The following PREX1 variants were observed in gnomAD, a reference collection of about 807,000 sequenced individuals.
PREX1 encodes the protein phosphatidylinositol-3,4,5-trisphosphate dependent Rac exchange factor 1, also known as phosphatidylinositol 3,4,5-trisphosphate-dependent Rac exchanger 1 protein.
A neutral mutation model predicts 198.3 loss-of-function variants in PREX1; 41 were observed. The observed-to-expected ratio is 0.21, with a 90% CI of 0.16 to 0.27. PREX1 has a LOEUF of 0.27. Among genes scored for constraint, PREX1 ranks in the 10% least tolerant of loss-of-function variants. The probability of loss-of-function intolerance (pLI) is 1.00; values close to 1 mark genes in which losing one functional copy is unlikely to be tolerated. For synonymous variants in PREX1, 843 were observed against 887.2 expected (o/e 0.95, Z 0.89); for missense variants, 1,620 against 2,200.7 (o/e 0.74, Z 5.28).
intron 1 of PREX1, among the ~76,000 whole-genome samples, chr20:48,796,405 T>C (rs2090362493): frequency 6.6e-6 from 1 of 151,874 alleles, no homozygotes; most frequent in Admixed American, 6.6e-5. Context: ...ACCTCCATCA[T>C]ACAGGCACAA....
chr20:48,787,574 G>A, intron 1 of PREX1, among the ~76,000 whole-genome samples: 1 of 149,026 alleles, frequency 6.7e-6, no homozygotes. Flanking sequence ...TATGTAAGCA[G>A]GACGACGAAA....
chr20:48,675,160 T>C (rs536738801), intron 14 of PREX1, among the ~76,000 whole-genome samples: 2 of 152,236 alleles, frequency 1.3e-5, no homozygotes, highest in Non-Finnish European at 2.9e-5. Context: ...AGGAGGGGAC[T>C]GAGTCAGGAG....
At chr20:48,865,950 C>CT in the PREX1 span, among the ~76,000 whole-genome samples, 223 of 140,246 alleles carry the variant, frequency 1.6e-3, 1 homozygote, top group Middle Eastern at 3.6e-3. Flanking sequence ...AAGTGTTAAA[C>CT]TTTTTTTTTT....
chr20:48,742,277 C>T (rs957161377), intron 3 of PREX1, among the ~76,000 whole-genome samples: 15 of 152,312 alleles, frequency 9.8e-5, no homozygotes, highest in African/African-American at 3.4e-4. Flanking sequence ...CGCTGGATCA[C>T]GTGAACAGAT....
At chr20:48,816,805 C>T (rs746616788) in intron 1 of PREX1, among the ~76,000 whole-genome samples, 3 of 149,460 alleles carry the variant, frequency 2.0e-5, no homozygotes, top group South Asian at 4.3e-4. Flanking sequence ...GATCACAGCC[C>T]GGGTCAACAC....
In PREX1 at chr20:48,657,056, C is replaced by A. The variant is rs1316101921; in HGVS notation, c.2107G>T (p.Ala703Ser). The A allele has an allele frequency of 6.3e-7, 1 of 1,598,226 alleles. No homozygotes were observed. Among genetic ancestry groups the A allele is most frequent in the South Asian group, 1.1e-5 (1 of 88,828 alleles). Reference sequence around the variant, plus strand: ...GACACTCACTCTTTGGCCTTCGTGGCCACCAGGAGGCGCAGAGGGCGGCGG... The same window carrying A: ...GACACTCACTCTTTGGCCTTCGTGGACACCAGGAGGCGCAGAGGGCGGCGG... The part of the protein sequence containing the change: ...CSRRPLRLLV[A>S]TKAKEIIKIP... Residue 703 changes from alanine to serine, a missense_variant, in exon 18 of 40, where the codon GCC becomes TCC. Coordinates refer to ENST00000371941, the MANE Select transcript of PREX1 (RefSeq NM_020820.4).
chr20:48,702,787 C>T (rs912682679), intron 6 of PREX1, among the ~76,000 whole-genome samples: 1 of 152,346 alleles, frequency 6.6e-6, no homozygotes, highest in African/African-American at 2.4e-5. Context: ...TCCCTGAGGC[C>T]GCTGCATCGC....
the PREX1 span, among the ~76,000 whole-genome samples, chr20:48,862,609 A>C: frequency 1.3e-5 from 2 of 151,844 alleles, no homozygotes; most frequent in Non-Finnish European, 2.9e-5. Context: ...TAAGTTGTAC[A>C]AGGTGATCAT....
At chr20:48,871,854 G>C in the PREX1 span, among the ~76,000 whole-genome samples, 2 of 150,926 alleles carry the variant, frequency 1.3e-5, no homozygotes, top group African/African-American at 2.4e-5. Context: ...GGCTATGAAA[G>C]GCTGACAAGA....
the PREX1 span, among the ~76,000 whole-genome samples, chr20:48,875,146 G>C: frequency 0.013 from 2,047 of 152,302 alleles, 45 homozygotes; most frequent in African/African-American, 0.047. Context: ...AGCAGCATCC[G>C]GTGTGACATG....
intron 2 of PREX1, among the ~76,000 whole-genome samples, chr20:48,745,889 C>G (rs2090105447): frequency 6.6e-6 from 1 of 152,212 alleles, no homozygotes; most frequent in South Asian, 2.1e-4. Flanking sequence ...AGGGGTGTTT[C>G]GTAGACAGAG....
At chr20:48,838,176 C>G in the PREX1 span, among the ~76,000 whole-genome samples, 1 of 152,100 alleles carries the variant, frequency 6.6e-6, no homozygotes, top group Admixed American at 6.5e-5. Flanking sequence ...AAGGCTTAAG[C>G]GGGGCTGGAA....
chr20:48,723,354 A>G (rs2089994419), intron 5 of PREX1, among the ~76,000 whole-genome samples: 1 of 152,172 alleles, frequency 6.6e-6, no homozygotes. Context: ...TCCACTGGAA[A>G]ATGTGACAGA....
chr20:48,883,271 G>A, the PREX1 span, among the ~76,000 whole-genome samples: 3 of 151,882 alleles, frequency 2.0e-5, no homozygotes, highest in Non-Finnish European at 4.4e-5. Flanking sequence ...AATAGAAAGG[G>A]CATTGTAAAA....
At chr20:48,801,431 C>T (rs1002307354) in intron 1 of PREX1, among the ~76,000 whole-genome samples, 3 of 152,216 alleles carry the variant, frequency 2.0e-5, no homozygotes, top group Admixed American at 1.3e-4. Context: ...AGCCCAGCCC[C>T]ACCACGCAGA....
At chr20:48,802,809 G>T (rs2090393528) in intron 1 of PREX1, among the ~76,000 whole-genome samples, 1 of 152,202 alleles carries the variant, frequency 6.6e-6, no homozygotes, top group South Asian at 2.1e-4. Context: ...GCCTGACATG[G>T]TGTGGGAATC....
At chr20:48,655,446 C>T (rs2122917174) in intron 18 of PREX1, 71 bp from the exon 19 acceptor site, 2 of 1,279,984 alleles carry the variant, frequency 1.6e-6, no homozygotes, top group Non-Finnish European at 1.1e-6. Flanking sequence ...AACCCCGGTG[C>T]CAACCCAGAG....
chr20:48,632,360 T>C lies in PREX1; in HGVS notation c.4443A>G (p.Pro1481=). 2 of 1,613,878 alleles carry C rather than the reference T, an allele frequency of 1.2e-6. 1 individual carries two copies. The highest frequency in any genetic ancestry group is 2.2e-5 in the South Asian group (2 of 91,084). The change falls in exon 35 of 40, where the codon CCA becomes CCG. Residue 1481 remains proline (P), a synonymous_variant. Coordinates refer to ENST00000371941, the MANE Select transcript of PREX1 (RefSeq NM_020820.4). ...VLENVEGLPS[P]GSQAAEDLQQ... ...GCAAATCCTCCGCGGCCTGGCTGCC[T>C]GGAGAAGGCAGCCCCTCCACGTTCT...
At position 48,629,346 on chromosome 20, in the gene PREX1, G is replaced by C. The variant is rs1352377901; in HGVS notation, c.4766+103C>G. The stretch of plus-strand genomic sequence containing the variant: ...GGCTCTACAGGCAATGGCAGAACCA[G>C]GATTGGAACCCAGCCTTCCTGCCTC... On this transcript the variant is annotated intron_variant, in intron 37 of 39. Coordinates refer to ENST00000371941, the MANE Select transcript of PREX1 (RefSeq NM_020820.4). The C allele has an allele frequency of 4.2e-6, 6 of 1,444,192 alleles. No individual in the cohort carries two copies. In the African/African-American group the frequency reaches 8.4e-5, roughly 20 times the overall value. The allele number at this position is 1,444,192 out of a possible 1,614,324, so 89.5% of individuals were successfully genotyped here. A position where few individuals can be genotyped will look rare whatever the true frequency, so the allele number is the denominator to read the frequency against.
Sources: gnomAD v4.1 joint callset for allele counts (sites outside exome capture counted in the v4.1 genomes callset) on GRCh38, gnomAD v4.1.1 for gene constraint, MANE v1.5 for transcripts, NCBI Gene and HGNC (gene_info 2026-07-23, HGNC 2026-07-21) for gene names.